The following BICC1 variants were observed in gnomAD, a reference collection of about 807,000 sequenced individuals.
The protein encoded by BICC1 is BicC family RNA binding protein 1.
In BICC1, 43 loss-of-function variants were observed where a neutral mutation model predicts 111.0. That is an observed-to-expected ratio of 0.39 (90% confidence interval 0.30 to 0.50). The LOEUF (loss-of-function observed/expected upper bound fraction) is 0.50. BICC1 is among the 20% of genes least tolerant of loss of function. The pLI is 0.88. For synonymous variants in BICC1, 467 were observed against 434.4 expected, an observed-to-expected ratio of 1.07 and a Z score of -0.93; for missense variants, 1,091 against 1,203.2, an observed-to-expected ratio of 0.91 and a Z score of 1.38.
chr10:58,773,226 C>A (rs10740761), intron 3 of BICC1, among the ~76,000 whole-genome samples: 119,676 of 152,062 alleles, frequency 0.79, 47,371 homozygotes, highest in East Asian at 1. Flanking sequence ...ACCTATCTAA[C>A]GTATGGAGTT....
intron 3 of BICC1, among the ~76,000 whole-genome samples, chr10:58,744,428 ATTTT>A (rs903448938): frequency 6.7e-6 from 1 of 149,982 alleles, no homozygotes; most frequent in South Asian, 2.1e-4. Flanking sequence ...AAAAGATATG[ATTTT>A]TTTTAAAAAA....
intron 2 of BICC1, among the ~76,000 whole-genome samples, chr10:58,678,330 C>A (rs900778292): frequency 6.6e-6 from 1 of 151,830 alleles, no homozygotes; most frequent in Non-Finnish European, 1.5e-5. Context: ...CACATAGTCT[C>A]AAAATAAAGG....
intron 1 of BICC1, among the ~76,000 whole-genome samples, chr10:58,530,611 T>G (rs1485425609): frequency 1.3e-5 from 2 of 149,068 alleles, no homozygotes; most frequent in Admixed American, 1.4e-4. Context: ...GTAGCCTCGC[T>G]GGAATCAGAG....
At chr10:58,808,538 G>A (rs940952336) in intron 17 of BICC1, among the ~76,000 whole-genome samples, 14 of 151,988 alleles carry the variant, frequency 9.2e-5, no homozygotes, top group African/African-American at 2.9e-4. Flanking sequence ...TGTTCATTTC[G>A]GTAATGGAGT....
At chr10:58,757,861 G>T (rs778578455) in intron 3 of BICC1, among the ~76,000 whole-genome samples, 5 of 152,118 alleles carry the variant, frequency 3.3e-5, no homozygotes, top group Non-Finnish European at 5.9e-5. Flanking sequence ...TACATCAAAG[G>T]CTTCTCTTTT....
chr10:58,711,479 C>G (rs1840570057), intron 3 of BICC1, among the ~76,000 whole-genome samples: 1 of 152,168 alleles, frequency 6.6e-6, no homozygotes, highest in African/African-American at 2.4e-5. Flanking sequence ...ATTTGAGATC[C>G]TTTTCGAATA....
chr10:58,589,803 A>T (rs1055994064), intron 1 of BICC1, among the ~76,000 whole-genome samples: 2 of 151,446 alleles, frequency 1.3e-5, no homozygotes, highest in Admixed American at 1.3e-4. Flanking sequence ...TATTATTATT[A>T]TTTTTTTTAG....
intron 3 of BICC1, among the ~76,000 whole-genome samples, chr10:58,738,564 A>G (rs1248062998): frequency 4.0e-5 from 6 of 151,810 alleles, no homozygotes; most frequent in East Asian, 1.9e-4. Context: ...TTGACTTGGC[A>G]ATGCAGGCTC....
At chr10:58,770,601 A>C (rs186935468) in intron 3 of BICC1, among the ~76,000 whole-genome samples, 1 of 152,308 alleles carries the variant, frequency 6.6e-6, no homozygotes, top group East Asian at 1.9e-4. Flanking sequence ...AAAAAACACA[A>C]ACACTGATAT....
intron 2 of BICC1, among the ~76,000 whole-genome samples, chr10:58,660,818 G>A (rs779399700): frequency 1.2e-4 from 18 of 152,168 alleles, no homozygotes; most frequent in Non-Finnish European, 2.1e-4. Flanking sequence ...CACCCCAGGC[G>A]ACTTCATGTG....
chr10:58,682,562 A>C (rs1042630939), intron 2 of BICC1, among the ~76,000 whole-genome samples: 1 of 152,132 alleles, frequency 6.6e-6, no homozygotes, highest in African/African-American at 2.4e-5. Flanking sequence ...TTGCCATTCT[A>C]ACTGGTGTGA....
At chr10:58,654,006 T>C (rs1702893198) in intron 2 of BICC1, among the ~76,000 whole-genome samples, 2 of 151,502 alleles carry the variant, frequency 1.3e-5, no homozygotes, top group South Asian at 4.2e-4. Context: ...ACAAAGGACA[T>C]GAACTCATCA....
intron 3 of BICC1, among the ~76,000 whole-genome samples, chr10:58,709,052 G>A (rs996125326): frequency 1.3e-5 from 2 of 152,052 alleles, no homozygotes; most frequent in African/African-American, 4.8e-5. Flanking sequence ...ATTATTCTTT[G>A]TGTTGGGAAT....
chr10:58,804,796 T>G (rs1843660009), intron 15 of BICC1, among the ~76,000 whole-genome samples: 1 of 152,176 alleles, frequency 6.6e-6, no homozygotes, highest in Non-Finnish European at 1.5e-5. Flanking sequence ...AACAGTTGAC[T>G]CTTAATAAAT....
intron 2 of BICC1, among the ~76,000 whole-genome samples, chr10:58,633,691 C>T (rs375680031): frequency 1.2e-4 from 18 of 152,106 alleles, no homozygotes; most frequent in East Asian, 9.6e-4. Context: ...TTGGAAGTTT[C>T]GACTTTGTGG....
intron 1 of BICC1, among the ~76,000 whole-genome samples, chr10:58,538,732 T>A (rs1842886532): frequency 6.6e-6 from 1 of 151,440 alleles, no homozygotes; most frequent in Admixed American, 6.6e-5. Context: ...CTCAAATCAC[T>A]AAGAAAAAAC....
intron 20 of BICC1, chr10:58,823,539 G>A (rs1844311380): frequency 1.0e-6 from 1 of 983,920 alleles, no homozygotes; most frequent in African/African-American, 1.7e-5. Context: ...CTGTTTCAAA[G>A]ATCTAGCTGA....
In BICC1 at chr10:58,820,473, A is replaced by T. The variant is rs761610808; in HGVS notation, c.2794+5A>T. On this transcript the variant is annotated splice_donor_5th_base_variant and intron_variant, in intron 20 of 20. Transcript: ENST00000373886. Reference sequence around the variant, plus strand: ...AAATGCTGCTTGCAATTTCAGGTGAATATAAATATTCAACTCATATGTTAA... The same window carrying T: ...AAATGCTGCTTGCAATTTCAGGTGATTATAAATATTCAACTCATATGTTAA... The T allele has an allele frequency of 6.3e-7, 1 of 1,586,500 alleles. No individual in the cohort carries two copies. Among genetic ancestry groups the T allele is most frequent in the South Asian group, 1.1e-5 (1 of 90,538 alleles).
intron 8 of BICC1, among the ~76,000 whole-genome samples, chr10:58,791,268 G>A (rs978005072): frequency 1.7e-4 from 26 of 151,744 alleles, no homozygotes; most frequent in Non-Finnish European, 3.2e-4. Context: ...TTTTAGTTTA[G>A]TGAAATTTTT....
Sources: gnomAD v4.1 joint callset for allele counts (sites outside exome capture counted in the v4.1 genomes callset) on GRCh38, gnomAD v4.1.1 for gene constraint, MANE v1.5 for transcripts, NCBI Gene and HGNC (gene_info 2026-07-23, HGNC 2026-07-21) for gene names.